Variants in SPOP observed in about 807,000 individuals in gnomAD.
SPOP encodes the protein speckle-type POZ protein.
In SPOP, 11 loss-of-function variants were observed where a neutral mutation model predicts 45.6. The observed-to-expected ratio is 0.24, with a 90% CI of 0.15 to 0.40. The LOEUF (loss-of-function observed/expected upper bound fraction) is 0.40, where lower values mean the gene tolerates loss of function less well. Among genes scored for constraint, SPOP ranks in the 10% least tolerant of loss-of-function variants. The pLI is 1.00. For synonymous variants in SPOP, 166 were observed against 166.3 expected, an observed-to-expected ratio of 1.00 and a Z score of 0.01; for missense variants, 152 against 465.6, an observed-to-expected ratio of 0.33 and a Z score of 6.20.
chr17:49,669,027 C>T (rs1286523356), intron 1 of SPOP, among the ~76,000 whole-genome samples: 3 of 151,844 alleles, frequency 2.0e-5, no homozygotes, highest in African/African-American at 7.3e-5. Context: ...CCGCCCATCT[C>T]GGCCTCCCAA....
chr17:49,648,619 C>T (rs1353824493), intron 1 of SPOP, among the ~76,000 whole-genome samples: 3 of 152,162 alleles, frequency 2.0e-5, no homozygotes, highest in Non-Finnish European at 4.4e-5. Context: ...CACATGTGGT[C>T]CTGCCGGGCT....
chr17:49,676,550 A>G (rs1308030269), intron 1 of SPOP, among the ~76,000 whole-genome samples: 1 of 152,212 alleles, frequency 6.6e-6, no homozygotes, highest in East Asian at 1.9e-4. Context: ...ACTAAAGAGA[A>G]TTGAAAGTAA....
At chr17:49,618,513 T>A in intron 5 of SPOP, 1 of 455,174 alleles carries the variant, frequency 2.2e-6, no homozygotes, top group South Asian at 1.6e-5. Flanking sequence ...CCTTCTTATT[T>A]CACAATTACT....
intron 1 of SPOP, among the ~76,000 whole-genome samples, chr17:49,665,410 C>T (rs2073040597): frequency 6.6e-6 from 1 of 151,654 alleles, no homozygotes; most frequent in Non-Finnish European, 1.5e-5. Flanking sequence ...GTCAGGAGAT[C>T]AAGATCATCC....
At position 49,619,029 on chromosome 17, in the gene SPOP, A is replaced by G. The variant is rs2072153412; in HGVS notation, c.432T>C (p.Asp144=). The G allele has an allele frequency of 1.2e-6, 2 of 1,614,206 alleles. No individual in the cohort carries two copies. Among genetic ancestry groups the G allele is most frequent in the South Asian group, 1.1e-5 (1 of 91,082 alleles). Residue 144 remains aspartate (D), a synonymous_variant, in exon 5 of 10, where the codon GAT becomes GAC. Coordinates refer to ENST00000504102, the MANE Select transcript of SPOP (RefSeq NM_001007228.2). The surrounding 1 kb of genome is among the most constrained non-coding windows in gnomAD (Gnocchi z 4.9). ...KKFIRRDFLL[D]EANGLLPDDK... ...CATCAGGGAGAAGCCCGTTGGCCTC[A>G]TCCAAAAGAAAATCTCTACGGATGA...
intron 1 of SPOP, among the ~76,000 whole-genome samples, chr17:49,651,847 T>C (rs149431444): frequency 9.2e-5 from 14 of 152,162 alleles, no homozygotes; most frequent in African/African-American, 3.1e-4. Flanking sequence ...GGTGAAACCC[T>C]GTCTCCACTA....
chr17:49,601,314 T>C (rs2071734979), intron 9 of SPOP: 1 of 152,372 alleles, frequency 6.6e-6, no homozygotes, highest in Non-Finnish European at 1.5e-5. Flanking sequence ...ACAACTCATC[T>C]TTCATATTAT....
intron 1 of SPOP, among the ~76,000 whole-genome samples, chr17:49,641,064 A>C (rs1429383563): frequency 6.6e-6 from 1 of 151,994 alleles, no homozygotes; most frequent in Non-Finnish European, 1.5e-5. Context: ...GGAGTTCAAG[A>C]CCAGCCTGGC....
chr17:49,667,334 A>C (rs564128715), intron 1 of SPOP, among the ~76,000 whole-genome samples: 70 of 151,112 alleles, frequency 4.6e-4, no homozygotes, highest in Non-Finnish European at 7.1e-4. Flanking sequence ...TCACGCCTAT[A>C]ATCTCAGCAC....
chr17:49,677,807 TGAGGA>T, intron 1 of SPOP, 121 bp downstream of exon 1: 1 of 329,042 alleles, frequency 3.0e-6, no homozygotes, highest in Non-Finnish European at 5.0e-6. Context: ...GAAATGGGAC[TGAGGA>T]GAGTATATGT....
chr17:49,622,511 G>C (rs1161395488), intron 2 of SPOP: 2 of 574,376 alleles, frequency 3.5e-6, no homozygotes, highest in Non-Finnish European at 6.2e-6. Context: ...TAGTTTCAAA[G>C]ATTCCCCCTT....
Position 49,611,462 on chromosome 17 carries a change from G to A in SPOP, c.481-5C>T. 6.2e-7 allele frequency: 1 copy of A among 1,612,166 alleles called. No homozygotes were observed. The stretch of plus-strand genomic sequence containing the variant: ...AGAATCTTGCACAACACTCACCTGT[G>A]AAAGACAAGGAAACACAAGCCAAGC... On this transcript the variant is annotated splice_polypyrimidine_tract_variant and splice_region_variant and intron_variant, in intron 5 of 9. Coordinates refer to ENST00000504102, the MANE Select transcript of SPOP (RefSeq NM_001007228.2).
intron 5 of SPOP, among the ~76,000 whole-genome samples, chr17:49,614,428 T>A (rs1410840546): frequency 2.6e-5 from 4 of 152,156 alleles, no homozygotes; most frequent in African/African-American, 9.7e-5. Context: ...ACAAGTAACC[T>A]AAACAATATA....
At chr17:49,635,010 T>G (rs949999257) in intron 1 of SPOP, among the ~76,000 whole-genome samples, 3 of 152,210 alleles carry the variant, frequency 2.0e-5, no homozygotes, top group African/African-American at 7.2e-5. Context: ...CACCTAGACC[T>G]CCTTCCAACT....
In SPOP at chr17:49,606,529, T is replaced by C. The variant is rs1379109861; in HGVS notation, c.837+721A>G. ...TTTTTTTTTTTTGGAGACAGAGTCTTGCTCTGTTGCCCAGGCTGGAGTGGC... is the reference window on the plus strand; with the variant it reads ...TTTTTTTTTTTTGGAGACAGAGTCTCGCTCTGTTGCCCAGGCTGGAGTGGC... On this transcript the variant is annotated intron_variant, in intron 8 of 9. Coordinates refer to ENST00000504102, the MANE Select transcript of SPOP (RefSeq NM_001007228.2). Among the ~76,000 whole-genome samples, 8 of 141,216 alleles carry C rather than the reference T, an allele frequency of 5.7e-5. 1 individual carries two copies. In the South Asian group the frequency reaches 9.0e-4, roughly 16 times the overall value. The allele number at this position is 141,216 out of a possible 152,430, so 92.6% of individuals were successfully genotyped here.
chr17:49,656,964 G>A (rs1225936187), intron 1 of SPOP, among the ~76,000 whole-genome samples: 3 of 152,042 alleles, frequency 2.0e-5, no homozygotes, highest in South Asian at 2.1e-4. Context: ...GGCAGATCAC[G>A]AGGTCAGGAG....
At chr17:49,649,247 T>C (rs1417537111) in intron 1 of SPOP, among the ~76,000 whole-genome samples, 2 of 152,082 alleles carry the variant, frequency 1.3e-5, no homozygotes, top group African/African-American at 4.8e-5. Flanking sequence ...TGATAGAAAG[T>C]AAACTATGGG....
chr17:49,618,933 C>A, intron 5 of SPOP, 48 bp downstream of exon 5: 1 of 1,577,872 alleles, frequency 6.3e-7, no homozygotes, highest in South Asian at 1.1e-5. Context: ...TCTACCAATA[C>A]TCATCAGATC....
chr17:49,643,304 T>G (rs1472909689), intron 1 of SPOP, among the ~76,000 whole-genome samples: 1 of 151,928 alleles, frequency 6.6e-6, no homozygotes, highest in Admixed American at 6.6e-5. Context: ...GTTTAAAGGG[T>G]GAAAAAACAT....
Sources: allele counts gnomAD v4.1 joint callset (sites outside exome capture counted in the v4.1 genomes callset), GRCh38; gene constraint gnomAD v4.1.1; non-coding constraint Gnocchi (gnomAD v3.1); transcripts MANE v1.5; gene names NCBI Gene and HGNC (gene_info 2026-07-23, HGNC 2026-07-21).